The following KREMEN1 variants were observed in gnomAD, a reference collection of about 807,000 sequenced individuals.
KREMEN1 encodes kremen protein 1.
Under a neutral mutation model 46.5 loss-of-function variants are expected in KREMEN1, and 30 were observed. That is an observed-to-expected ratio of 0.65 (90% CI 0.48 to 0.88). The LOEUF (loss-of-function observed/expected upper bound fraction) is 0.88, where lower values mean the gene tolerates loss of function less well. Among genes scored for constraint, KREMEN1 ranks in the 40% least tolerant of loss-of-function variants. KREMEN1 has a pLI of 0.00. For synonymous variants in KREMEN1, 214 were observed against 230.6 expected (o/e 0.93, Z 0.65); for missense variants, 533 against 596.9 (o/e 0.89, Z 1.11).
At chr22:29,108,087 G>A (rs1298587665) in intron 3 of KREMEN1, among the ~76,000 whole-genome samples, 4 of 152,168 alleles carry the variant, frequency 2.6e-5, no homozygotes, top group South Asian at 2.1e-4. Flanking sequence ...CGAGTTCAAC[G>A]CCAGCCTGGG....
At chr22:29,094,614 C>CAA (rs2037853835) in intron 2 of KREMEN1, among the ~76,000 whole-genome samples, 194 bp downstream of exon 2, 2 of 118,108 alleles carry the variant, frequency 1.7e-5, no homozygotes, top group South Asian at 2.6e-4. Flanking sequence ...CACACACACA[C>CAA]AATTTACCAC....
chr22:29,073,336 G>A lies in KREMEN1; in HGVS notation c.97+109G>A, dbSNP rs1053562343. On this transcript the variant is annotated intron_variant, in intron 1 of 8. Transcript: ENST00000400335. The surrounding 1 kb of genome is among the most constrained non-coding windows in gnomAD (Gnocchi z 4.4). ...TCCCTCCCGCTTCAGGACCTTCCGGGCCCCTTCCCCTCGCCCCTAGGCGAC... is the reference window on the plus strand; with the variant it reads ...TCCCTCCCGCTTCAGGACCTTCCGGACCCCTTCCCCTCGCCCCTAGGCGAC... The A allele has an allele frequency of 8.5e-5, 25 of 294,744 alleles. No individual in the cohort carries two copies. The highest frequency in any genetic ancestry group is 2.7e-3 in the Middle Eastern group (2 of 740). 18.3% of individuals were successfully genotyped at this position (294,744 alleles called of 1,614,324 possible).
chr22:29,162,431 T>C (rs1014892966), intron 9 of KREMEN1, among the ~76,000 whole-genome samples: 3 of 151,892 alleles, frequency 2.0e-5, no homozygotes, highest in Admixed American at 6.6e-5. Context: ...AGAAAAGCAA[T>C]GCCGGCCGGG....
intron 1 of KREMEN1, among the ~76,000 whole-genome samples, chr22:29,093,844 G>A (rs2037837378): frequency 6.6e-6 from 1 of 152,148 alleles, no homozygotes; most frequent in Non-Finnish European, 1.5e-5. Context: ...CTGGTGACCT[G>A]GTTCCAGTTA....
At chr22:29,102,987 A>G (rs1328235484) in intron 3 of KREMEN1, among the ~76,000 whole-genome samples, 1 of 152,188 alleles carries the variant, frequency 6.6e-6, no homozygotes, top group Non-Finnish European at 1.5e-5. Context: ...GTCTGGCAGC[A>G]TATTGTACTT....
At chr22:29,121,614 C>A in intron 4 of KREMEN1, 133 bp downstream of exon 4, 1 of 1,033,732 alleles carries the variant, frequency 9.7e-7, no homozygotes, top group Non-Finnish European at 1.4e-6. Flanking sequence ...ATTCCACTTA[C>A]ATGAATTGTC....
intron 3 of KREMEN1, among the ~76,000 whole-genome samples, chr22:29,105,268 A>G (rs2038037306): frequency 6.6e-6 from 1 of 152,134 alleles, no homozygotes; most frequent in African/African-American, 2.4e-5. Context: ...GGATCTTATT[A>G]AAATACAGAT....
intron 1 of KREMEN1, among the ~76,000 whole-genome samples, chr22:29,090,492 A>G (rs134652): frequency 0.47 from 71,850 of 151,930 alleles, 17,784 homozygotes; most frequent in Middle Eastern, 0.61. Context: ...TGTGTAACAA[A>G]CCTTCACATG....
chr22:29,157,557 C>T (rs1371981236), intron 9 of KREMEN1, among the ~76,000 whole-genome samples: 2 of 152,242 alleles, frequency 1.3e-5, no homozygotes, highest in South Asian at 2.1e-4. Flanking sequence ...AGGCTGGTCT[C>T]GAACTCCTGG....
chr22:29,126,990 T>C (rs2038455248), intron 5 of KREMEN1, among the ~76,000 whole-genome samples: 2 of 152,268 alleles, frequency 1.3e-5, no homozygotes, highest in Non-Finnish European at 2.9e-5. Flanking sequence ...TTTAACCTTT[T>C]ATTCTAGAGT....
intron 9 of KREMEN1, among the ~76,000 whole-genome samples, chr22:29,152,801 C>G (rs139817499): frequency 6.6e-6 from 1 of 152,308 alleles, no homozygotes; most frequent in Non-Finnish European, 1.5e-5. Flanking sequence ...TGGGATTCAG[C>G]CTGGGGGTGC....
intron 7 of KREMEN1, among the ~76,000 whole-genome samples, chr22:29,139,531 A>G (rs1244681536): frequency 6.6e-6 from 1 of 152,212 alleles, no homozygotes; most frequent in Admixed American, 6.5e-5. Flanking sequence ...TGAGCCCAGG[A>G]GTTCAAGAAT....
chr22:29,110,145 G>A (rs1407514099), intron 3 of KREMEN1, among the ~76,000 whole-genome samples: 3 of 152,208 alleles, frequency 2.0e-5, no homozygotes, highest in African/African-American at 7.2e-5. Context: ...CTGAGTTTCA[G>A]CTGAGTGGTT....
intron 9 of KREMEN1, among the ~76,000 whole-genome samples, chr22:29,153,746 C>T (rs1444325336): frequency 2.0e-5 from 3 of 151,974 alleles, no homozygotes; most frequent in South Asian, 2.1e-4. Context: ...TTTGGGAGGC[C>T]GAGGCGGGCG....
At chr22:29,104,736 A>C (rs1284136071) in intron 3 of KREMEN1, among the ~76,000 whole-genome samples, 1 of 152,104 alleles carries the variant, frequency 6.6e-6, no homozygotes, top group East Asian at 1.9e-4. Context: ...TCTACTAAAA[A>C]TACAAAAATA....
chr22:29,152,929 C>T (rs1001044132), intron 9 of KREMEN1, among the ~76,000 whole-genome samples: 9 of 152,180 alleles, frequency 5.9e-5, no homozygotes, highest in East Asian at 1.9e-4. Flanking sequence ...GGGAGAGCAG[C>T]GGCATGGGCT....
At chr22:29,091,990 A>G (rs1044793650) in intron 1 of KREMEN1, among the ~76,000 whole-genome samples, 88 of 152,220 alleles carry the variant, frequency 5.8e-4, no homozygotes, top group African/African-American at 2.0e-3. Context: ...GCTTCATGGG[A>G]GGAAGGGGCT....
intron 4 of KREMEN1, among the ~76,000 whole-genome samples, chr22:29,121,978 T>C (rs2038364219): frequency 6.6e-6 from 1 of 152,206 alleles, no homozygotes; most frequent in South Asian, 2.1e-4. Flanking sequence ...ATTGAACTTA[T>C]CAATATTAAA....
intron 1 of KREMEN1, among the ~76,000 whole-genome samples, chr22:29,091,737 C>CTG (rs1569314840): frequency 2.6e-5 from 4 of 151,860 alleles, no homozygotes; most frequent in Non-Finnish European, 5.9e-5. Flanking sequence ...CACATTGTCT[C>CTG]TCTCTCTCTC....
Sources: allele counts gnomAD v4.1 joint callset (sites outside exome capture counted in the v4.1 genomes callset), GRCh38; gene constraint gnomAD v4.1.1; non-coding constraint Gnocchi (gnomAD v3.1); transcripts MANE v1.5; gene names NCBI Gene and HGNC (gene_info 2026-07-23, HGNC 2026-07-21).